The following PTTG1IP2 variants were observed in gnomAD, a reference collection of about 807,000 sequenced individuals.
PTTG1IP2 encodes the protein PTTG1IP family member 2.
chr7:90,513,241 T>C (rs972585133), intron 6 of PTTG1IP2, 37 bp from the exon 7 acceptor site: 2 of 152,640 alleles, frequency 1.3e-5, no homozygotes, highest in Non-Finnish European at 2.9e-5. Context: ...AGCACTGTAT[T>C]GTATTTCCAA....
intron 3 of PTTG1IP2, among the ~76,000 whole-genome samples, chr7:90,487,863 A>AT (rs1346763982): frequency 1.3e-5 from 2 of 152,028 alleles, no homozygotes; most frequent in South Asian, 2.1e-4. Flanking sequence ...GAATTCCAGG[A>AT]TTTTTTTTAT....
At position 90,505,200 on chromosome 7, in the gene PTTG1IP2, A is replaced by G. The variant is rs17865978; in HGVS notation, c.*51-8078A>G. 5.4e-3 allele frequency among the ~76,000 whole-genome samples: 818 copies of G among 152,306 alleles called. 9 individuals carry two copies. Among genetic ancestry groups the G allele is most frequent in the African/African-American group, 0.019 (784 of 41,556 alleles). ...GAAATCTATGTGATAACTTTTAACC[A>G]TATTTGAAAAGGGTATTCGATGCCT... is the stretch of plus-strand genomic sequence containing the variant. On this transcript the variant is annotated intron_variant, in intron 6 of 6. Coordinates refer to ENST00000509356, the MANE Select transcript of PTTG1IP2 (RefSeq NM_001365443.2).
At chr7:90,504,294 C>A (rs549621344) in intron 6 of PTTG1IP2, among the ~76,000 whole-genome samples, 1 of 150,098 alleles carries the variant, frequency 6.7e-6, no homozygotes, top group African/African-American at 2.5e-5. Flanking sequence ...CCAGCCCGGG[C>A]GACAGAGTGA....
intron 1 of PTTG1IP2, among the ~76,000 whole-genome samples, chr7:90,471,887 G>A (rs10248538): frequency 0.56 from 85,059 of 151,968 alleles, 25,111 homozygotes; most frequent in East Asian, 0.91. Flanking sequence ...ATTTGAGGGT[G>A]GATCTAGAGT....
chr7:90,492,944 C>T (rs959177254), intron 5 of PTTG1IP2, among the ~76,000 whole-genome samples: 4 of 152,118 alleles, frequency 2.6e-5, no homozygotes, highest in African/African-American at 9.7e-5. Flanking sequence ...TCTTGGCTTC[C>T]TTTGGCTGAT....
chr7:90,510,403 G>A (rs1274830037), intron 6 of PTTG1IP2, among the ~76,000 whole-genome samples: 5 of 152,162 alleles, frequency 3.3e-5, no homozygotes, highest in African/African-American at 1.2e-4. Flanking sequence ...TCTCTAGAGT[G>A]AATGAATGAA....
At chr7:90,471,611 T>C (rs1490606419) in intron 1 of PTTG1IP2, among the ~76,000 whole-genome samples, 1 of 152,236 alleles carries the variant, frequency 6.6e-6, no homozygotes, top group African/African-American at 2.4e-5. Flanking sequence ...TGGAAGATTC[T>C]AGATCAGAAC....
intron 6 of PTTG1IP2, among the ~76,000 whole-genome samples, chr7:90,496,404 C>A (rs1412294002): frequency 2.0e-5 from 3 of 152,060 alleles, no homozygotes; most frequent in Non-Finnish European, 4.4e-5. Context: ...GTATTCATTT[C>A]TTCTAGGCTA....
intron 6 of PTTG1IP2, among the ~76,000 whole-genome samples, chr7:90,500,647 C>T (rs930429600): frequency 3.9e-5 from 6 of 152,202 alleles, no homozygotes; most frequent in African/African-American, 1.2e-4. Context: ...CTCAGTCAAT[C>T]TTATGGGGCA....
At chr7:90,489,470 T>G (rs11762855) in intron 4 of PTTG1IP2, among the ~76,000 whole-genome samples, 59,952 of 151,518 alleles carry the variant, frequency 0.4, 12,869 homozygotes, top group Non-Finnish European at 0.5. Context: ...GTAATCAATT[T>G]AATTCCTTGT....
At chr7:90,512,379 G>T (rs1798200373) in intron 6 of PTTG1IP2, among the ~76,000 whole-genome samples, 1 of 152,070 alleles carries the variant, frequency 6.6e-6, no homozygotes, top group African/African-American at 2.4e-5. Context: ...AACTAGGAAA[G>T]GCCTATTTAT....
intron 6 of PTTG1IP2, among the ~76,000 whole-genome samples, chr7:90,512,023 A>G (rs948692218): frequency 2.0e-5 from 3 of 152,246 alleles, no homozygotes; most frequent in African/African-American, 4.8e-5. Context: ...AGTTCTTGAC[A>G]TAGAGTCGTT....
intron 6 of PTTG1IP2, among the ~76,000 whole-genome samples, chr7:90,509,045 A>G (rs1008294931): frequency 1.3e-5 from 2 of 151,922 alleles, no homozygotes; most frequent in Non-Finnish European, 1.5e-5. Context: ...AAATCTCCAC[A>G]TAGGGATATG....
At chr7:90,484,927 C>G (rs1797851469) in intron 2 of PTTG1IP2, among the ~76,000 whole-genome samples, 1 of 152,172 alleles carries the variant, frequency 6.6e-6, no homozygotes, top group African/African-American at 2.4e-5. Context: ...GGCTGACTGC[C>G]AGCAGATCTA....
chr7:90,505,173 T>G (rs1179391190), intron 6 of PTTG1IP2, among the ~76,000 whole-genome samples: 1 of 152,194 alleles, frequency 6.6e-6, no homozygotes, highest in African/African-American at 2.4e-5. Context: ...TTTTCCAGTT[T>G]TGAAATCTAT....
At chr7:90,475,320 T>C (rs2116046554) in intron 1 of PTTG1IP2, among the ~76,000 whole-genome samples, 2 of 152,328 alleles carry the variant, frequency 1.3e-5, no homozygotes, top group Middle Eastern at 3.4e-3. Context: ...CGCCAAGAAG[T>C]TTGGCACATT....
At chr7:90,471,768 G>A (rs1212922430) in intron 1 of PTTG1IP2, among the ~76,000 whole-genome samples, 6 of 152,060 alleles carry the variant, frequency 3.9e-5, no homozygotes, top group Non-Finnish European at 8.8e-5. Flanking sequence ...TTCTTATTCC[G>A]AAGATGAGAA....
intron 6 of PTTG1IP2, among the ~76,000 whole-genome samples, chr7:90,495,996 A>T (rs953049791): frequency 1.3e-5 from 2 of 152,206 alleles, no homozygotes; most frequent in African/African-American, 4.8e-5. Flanking sequence ...TAATTCCATT[A>T]TTCGAGATTT....
intron 6 of PTTG1IP2, among the ~76,000 whole-genome samples, chr7:90,511,035 C>T (rs1203344122): frequency 6.6e-6 from 1 of 151,868 alleles, no homozygotes; most frequent in East Asian, 1.9e-4. Flanking sequence ...CACCAGTCAT[C>T]ATCTCTGTGA....
Sources: gnomAD v4.1 joint callset for allele counts (sites outside exome capture counted in the v4.1 genomes callset) on GRCh38, gnomAD v4.1.1 for gene constraint, MANE v1.5 for transcripts, NCBI Gene and HGNC (gene_info 2026-07-23, HGNC 2026-07-21) for gene names.